ACP6: variants seen among roughly 807,000 people sequenced by gnomAD.
ACP6 encodes lysophosphatidic acid phosphatase type 6.
ACP6 carries 48 observed loss-of-function variants against 48.1 expected under a neutral mutation model. That is an observed-to-expected ratio of 1.00 (90% CI 0.79 to 1.27). The LOEUF (loss-of-function observed/expected upper bound fraction) is 1.27, where lower values mean the gene tolerates loss of function less well. Ranked by LOEUF, ACP6 falls within the 50% of genes most tolerant of loss-of-function variation. ACP6 has a pLI of 0.00. For missense variants in ACP6, 485 were observed against 529.1 expected (o/e 0.92, Z 0.82); for synonymous variants, 172 against 204.2 (o/e 0.84, Z 1.34).
At chr1:147,665,867 C>T (rs3820126) in intron 1 of ACP6, among the ~76,000 whole-genome samples, 14,801 of 152,274 alleles carry the variant, frequency 0.097, 1,000 homozygotes, top group East Asian at 0.33. Context: ...CACATACACA[C>T]TCTCATTCTC....
At chr1:147,660,370 C>T (rs1015717673) in intron 1 of ACP6, among the ~76,000 whole-genome samples, 4 of 152,200 alleles carry the variant, frequency 2.6e-5, no homozygotes, top group African/African-American at 4.8e-5. Flanking sequence ...CTAGTGGCCA[C>T]AGGTCTCATA....
intron 5 of ACP6, among the ~76,000 whole-genome samples, chr1:147,633,496 G>T (rs921198790): frequency 3.9e-5 from 4 of 103,204 alleles, no homozygotes; most frequent in Non-Finnish European, 7.4e-5. Context: ...TTCACTAATA[G>T]GCAAAAGTTT....
At chr1:147,655,280 G>A in intron 4 of ACP6, 32 bp from the exon 5 acceptor site, 1 of 1,515,798 alleles carries the variant, frequency 6.6e-7, no homozygotes, top group Non-Finnish European at 9.0e-7. Context: ...CAGGCAGGCA[G>A]AGGCTTCAGC....
intron 8 of ACP6, among the ~76,000 whole-genome samples, chr1:147,649,666 T>C (rs1488523016): frequency 6.6e-6 from 1 of 152,122 alleles, no homozygotes; most frequent in Non-Finnish European, 1.5e-5. Context: ...ATGTTTTCAA[T>C]CTCCTGACCT....
intron 1 of ACP6, 31 bp from the exon 2 acceptor site, chr1:147,659,806 T>G: frequency 6.2e-7 from 1 of 1,609,154 alleles, no homozygotes; most frequent in Non-Finnish European, 8.5e-7. Context: ...CACCACATTG[T>G]TTAAAAATGG....
In ACP6 at chr1:147,659,408, G is replaced by A; in HGVS notation, c.467C>T (p.Pro156Leu). Residue 156 changes from proline (P) to leucine (L), a missense_variant, in exon 3 of 10, where the codon CCA becomes CTA. By Grantham distance (98) the Pro-to-Leu change is moderately conservative. Coordinates refer to ENST00000583509, the MANE Select transcript of ACP6 (RefSeq NM_016361.5). ...TCAAGTGACTCACAAGACCTCCTGT[G>A]GGTTGAAGGTTGGTGAAAGAAAGGG... Reference protein sequence around the residue: ...DIPFLSPTFNPQEVFIRSTNI... With the variant: ...DIPFLSPTFNLQEVFIRSTNI... 6.2e-7 allele frequency: 1 copy of A among 1,614,144 alleles called. No homozygotes were observed. Among genetic ancestry groups the A allele is most frequent in the Middle Eastern group, 1.6e-4 (1 of 6,062 alleles).
chr1:147,647,682 T>C, intron 9 of ACP6, 116 bp from the exon 10 acceptor site: 1 of 1,359,842 alleles, frequency 7.4e-7, no homozygotes, highest in Admixed American at 2.8e-5. Flanking sequence ...TGCATACATA[T>C]TACAGACAGG....
At chr1:147,657,208 C>G (rs902056805) in intron 4 of ACP6, among the ~76,000 whole-genome samples, 14 of 151,904 alleles carry the variant, frequency 9.2e-5, no homozygotes, top group African/African-American at 3.4e-4. Flanking sequence ...GATTTTGGAC[C>G]CAGTTTATGA....
rs587770679 is a variant in ACP6, at chr1:147,645,423, G to A, written c.*2000C>T. On this transcript the variant is annotated 3_prime_UTR_variant, in exon 10 of 10. Coordinates refer to ENST00000583509, the MANE Select transcript of ACP6 (RefSeq NM_016361.5). Reference sequence around the variant, plus strand: ...AAATTCTTGAGATCACCTAGTGGGTGAGTGTAGGGGAAAAGGTGGAAAAAA... The same window carrying A: ...AAATTCTTGAGATCACCTAGTGGGTAAGTGTAGGGGAAAAGGTGGAAAAAA... 1.2e-4 allele frequency: 18 copies of A among 152,216 alleles called. No homozygotes were observed. Among genetic ancestry groups the A allele is most frequent in the African/African-American group, 4.3e-4 (18 of 41,470 alleles). The allele number at this position is 152,216 out of a possible 1,614,324, so 9.4% of individuals were successfully genotyped here. A position where few individuals can be genotyped will look rare whatever the true frequency, so the allele number is the denominator to read the frequency against.
intron 5 of ACP6, among the ~76,000 whole-genome samples, chr1:147,631,643 G>A (rs966773133): frequency 3.3e-5 from 5 of 151,970 alleles, no homozygotes; most frequent in South Asian, 2.1e-4. Context: ...GTGAAACCCC[G>A]TCTCTACTAA....
chr1:147,664,709 A>AC (rs139038050), intron 1 of ACP6, among the ~76,000 whole-genome samples: 1 of 152,128 alleles, frequency 6.6e-6, no homozygotes, highest in African/African-American at 2.4e-5. Context: ...AGAAAACTTG[A>AC]CCCTGCCTTT....
At chr1:147,637,659 A>G (rs145745441), downstream of ACP6, among the ~76,000 whole-genome samples, 1 of 152,302 alleles carries the variant, frequency 6.6e-6, no homozygotes, top group African/African-American at 2.4e-5. Context: ...ACATCATACT[A>G]TGGATTCACA....
Position 147,654,290 on chromosome 1 carries a change from G to A in ACP6, c.684C>T (p.Ile228=). ...CCTTCACCTTTTTCAAATCCTCTGA[G>A]ATTCCTGGCTGTAAAGAGGCAGTCT... ...RRQTASLQPG[I]SEDLKKVKDR... is the part of the protein sequence containing the mutation. Residue 228 remains isoleucine, a synonymous_variant, in exon 6 of 10, where the codon ATC becomes ATT. Coordinates refer to ENST00000583509, the MANE Select transcript of ACP6 (RefSeq NM_016361.5). The A allele has an allele frequency of 6.2e-7, 1 of 1,614,168 alleles. No homozygotes were observed.
chr1:147,639,221 G>A (rs1430371963), downstream of ACP6, among the ~76,000 whole-genome samples: 1 of 152,136 alleles, frequency 6.6e-6, no homozygotes, highest in Admixed American at 6.5e-5. Context: ...CAAGCCACAG[G>A]CTCTCTGATC....
At chr1:147,658,902 G>C in intron 4 of ACP6, 58 bp downstream of exon 4, 1 of 1,473,444 alleles carries the variant, frequency 6.8e-7, no homozygotes. Flanking sequence ...TAGGGGCTTC[G>C]GAAGTGAGAA....
At chr1:147,655,979 C>T (rs1265427369) in intron 4 of ACP6, among the ~76,000 whole-genome samples, 1 of 152,162 alleles carries the variant, frequency 6.6e-6, no homozygotes, top group Non-Finnish European at 1.5e-5. Flanking sequence ...TTTTTCCACA[C>T]TGCTCAAGCC....
chr1:147,641,945 G>T (rs1553208777), downstream of ACP6, among the ~76,000 whole-genome samples: 1 of 152,172 alleles, frequency 6.6e-6, no homozygotes, highest in South Asian at 2.1e-4. Context: ...AATCTCGTGG[G>T]AAGTGAGATG....
chr1:147,632,222 CA>C (rs1659188768), intron 5 of ACP6, among the ~76,000 whole-genome samples: 1 of 151,224 alleles, frequency 6.6e-6, no homozygotes, highest in South Asian at 2.1e-4. Context: ...CACACACACA[CA>C]CCATCATTTT....
chr1:147,640,051 A>T (rs587631696), downstream of ACP6, among the ~76,000 whole-genome samples: 1 of 152,204 alleles, frequency 6.6e-6, no homozygotes, highest in East Asian at 1.9e-4. Context: ...TAGTTTCCTT[A>T]AGCCCCAAAT....
Sources: allele counts gnomAD v4.1 joint callset (sites outside exome capture counted in the v4.1 genomes callset), GRCh38; gene constraint gnomAD v4.1.1; transcripts MANE v1.5; gene names NCBI Gene and HGNC (gene_info 2026-07-23, HGNC 2026-07-21).